The following SSC5D variants were observed in gnomAD, a reference collection of about 807,000 sequenced individuals.
SSC5D encodes scavenger receptor cysteine rich family member with 5 domains.
A neutral mutation model predicts 104.6 loss-of-function variants in SSC5D; 106 were observed. That is an observed-to-expected ratio of 1.01 (90% confidence interval 0.87 to 1.19). SSC5D has a LOEUF of 1.19. Ranked by LOEUF, SSC5D falls within the 50% of genes most tolerant of loss-of-function variation. The probability of loss-of-function intolerance (pLI) is 0.00; values close to 1 mark genes in which losing one functional copy is unlikely to be tolerated. For synonymous variants in SSC5D, 860 were observed against 883.5 expected, an observed-to-expected ratio of 0.97 and a Z score of 0.47; for missense variants, 1,993 against 2,153.8, an observed-to-expected ratio of 0.93 and a Z score of 1.48.
intron 13 of SSC5D, among the ~76,000 whole-genome samples, chr19:55,516,483 C>T (rs1376666424): frequency 4.0e-5 from 6 of 149,602 alleles, no homozygotes; most frequent in Admixed American, 6.7e-5. Context: ...GGCGACAGAG[C>T]GAGACTCCAT....
At position 55,490,392 on chromosome 19, in the gene SSC5D, A is replaced by G; in HGVS notation, c.570A>G (p.Thr190=). ...AKSTRAPLLT[T]GAPRQERLRL... is the part of the protein sequence containing the mutation. ...CCACCCGGGCCCCTCTGCTGACGAC[A>G]GGAGCCCCCCGCCAAGGTAAGCTCC... Residue 190 remains threonine, a synonymous_variant, in exon 5 of 14, where the codon ACA becomes ACG. Transcript: ENST00000389623. 6.9e-7 allele frequency: 1 copy of G among 1,446,600 alleles called. No homozygotes were observed. The highest frequency in any genetic ancestry group is 1.4e-5 in the African/African-American group (1 of 69,292). The allele number at this position is 1,446,600 out of a possible 1,614,324, so 89.6% of individuals were successfully genotyped here.
chr19:55,498,524 GA>G (rs1333274881), intron 9 of SSC5D, among the ~76,000 whole-genome samples: 5 of 152,216 alleles, frequency 3.3e-5, no homozygotes, highest in African/African-American at 1.2e-4. Context: ...TTCCCACTAA[GA>G]AAGGAGCTTT....
In SSC5D at chr19:55,503,371, G is replaced by A. The variant is rs1380225826; in HGVS notation, c.2785+2170G>A. On this transcript the variant is annotated intron_variant, in intron 12 of 13. Transcript: ENST00000389623. This position sits in a 1 kb window ranked among gnomAD's most constrained non-coding sequence, Gnocchi z 4.0. Reference sequence around the variant, plus strand: ...TCTCATCGTCTCCATTTCTCACTGCGTTCTCTCCCCAGGCCCAGCGCTGTG... The same window carrying A: ...TCTCATCGTCTCCATTTCTCACTGCATTCTCTCCCCAGGCCCAGCGCTGTG... Among the ~76,000 whole-genome samples, 1 of 152,030 alleles carries A rather than the reference G, an allele frequency of 6.6e-6. No homozygotes were observed. The highest frequency in any genetic ancestry group is 6.6e-5 in the Admixed American group (1 of 15,250).
rs189356192 is a variant in SSC5D, at chr19:55,500,745, C to T, written c.2558C>T (p.Ser853Leu). The T allele has an allele frequency of 4.0e-4, 617 of 1,551,564 alleles. 9 individuals are homozygous for T. In the East Asian group the frequency reaches 0.012, roughly 31 times the overall value. The change falls in exon 11 of 14, where the codon TCG becomes TTG. Residue 853 changes from serine (S) to leucine (L), a missense_variant. By Grantham distance (145) the Ser-to-Leu change is moderately radical. Coordinates refer to ENST00000389623, the MANE Select transcript of SSC5D (RefSeq NM_001144950.2). The surrounding 1 kb of genome is among the most constrained non-coding windows in gnomAD (Gnocchi z 4.6). ...GAGGCCTCACTGAGCGACTGCCCCT[C>T]GGGGGCTTGGGGGAAGCACAACTGT... ...GSEASLSDCP[S>L]GAWGKHNCDH...
At chr19:55,490,201 C>T in intron 4 of SSC5D, 97 bp from the exon 5 acceptor site, 1 of 626,188 alleles carries the variant, frequency 1.6e-6, no homozygotes, top group East Asian at 2.8e-5. Flanking sequence ...AGGGAGTCCT[C>T]CATCACTTCA....
intron 8 of SSC5D, 69 bp from the exon 9 acceptor site, chr19:55,497,811 A>G: frequency 7.7e-7 from 1 of 1,303,760 alleles, no homozygotes; most frequent in Non-Finnish European, 1.0e-6. Context: ...GGGGAGGGAA[A>G]GGTGGATGAA....
At chr19:55,504,190 A>T (rs983716781) in intron 12 of SSC5D, 8 of 1,533,576 alleles carry the variant, frequency 5.2e-6, no homozygotes, top group Non-Finnish European at 7.0e-6. Flanking sequence ...TCCCTAGCCC[A>T]TAGCGCCCCC....
chr19:55,495,433 A>G (rs552264327), intron 8 of SSC5D, among the ~76,000 whole-genome samples: 1 of 145,832 alleles, frequency 6.9e-6, no homozygotes, highest in East Asian at 2.0e-4. Flanking sequence ...GGGGTTTGCC[A>G]TGTTGCCTAG....
intron 12 of SSC5D, 42 bp from the exon 13 acceptor site, chr19:55,512,969 G>A (rs1172606429): frequency 1.3e-6 from 2 of 1,551,338 alleles, no homozygotes; most frequent in East Asian, 2.4e-5. Context: ...CAAACTCAAA[G>A]GGAAGTTGGA....
rs533887535 is a variant in SSC5D at position 55,518,751 on chromosome 19, A to G, written c.4475A>G (p.Glu1492Gly). Residue 1492 changes from glutamate (E) to glycine (G), a missense_variant, in exon 14 of 14, where the codon GAG becomes GGG. Glu to Gly is a moderately conservative substitution (Grantham distance 98). Transcript: ENST00000389623. The part of the protein sequence containing the change: ...VMACEPPALV[E>G]LVAAVRDVGG... ...GCTTGTGAGCCACCTGCCCTGGTGG[A>G]GCTGGTGGCTGCTGTGAGGGATGTG... 3.1e-5 allele frequency: 48 copies of G among 1,550,854 alleles called. No homozygotes were observed. In the African/African-American group the frequency reaches 5.6e-4, roughly 18 times the overall value.
intron 12 of SSC5D, among the ~76,000 whole-genome samples, chr19:55,504,534 T>C (rs1987595938): frequency 6.6e-6 from 1 of 152,238 alleles, no homozygotes; most frequent in Non-Finnish European, 1.5e-5. Context: ...GGAGTCTCGC[T>C]CTGTCACCCA....
chr19:55,489,308 C>T (rs1156449572), intron 2 of SSC5D, 46 bp from the exon 3 acceptor site: 1 of 1,419,400 alleles, frequency 7.0e-7, no homozygotes, highest in South Asian at 1.5e-5. Flanking sequence ...GCCTTGGGGC[C>T]CCCAGGATGC....
chr19:55,514,292 C>A (rs1599929766), intron 13 of SSC5D, among the ~76,000 whole-genome samples: 1 of 151,818 alleles, frequency 6.6e-6, no homozygotes, highest in South Asian at 2.1e-4. Context: ...ATGGTCCCAG[C>A]TACTCGGGAG....
chr19:55,502,976 C>G (rs1187885398), intron 12 of SSC5D, among the ~76,000 whole-genome samples: 1 of 152,012 alleles, frequency 6.6e-6, no homozygotes, highest in Non-Finnish European at 1.5e-5. Flanking sequence ...CCACCACTCC[C>G]GGCTAATTTT....
Position 55,494,661 on chromosome 19 carries a change from C to T in SSC5D, c.1265C>T (p.Ser422Phe), listed in dbSNP as rs1356175343. Residue 422 changes from serine (S) to phenylalanine (F), a missense_variant, in exon 8 of 14, where the codon TCC (serine) becomes TTC (phenylalanine). Around this residue, in one of 6 missense-constraint regions of SSC5D, gnomAD observed 1,101 missense variants for 1,085.0 expected, o/e 1.01. Transcript: ENST00000389623. Reference protein sequence around the residue: ...PPTAPTDSNNSTPREAASRPP... With the variant: ...PPTAPTDSNNFTPREAASRPP... ...ACGGCCCCCACGGACAGCAACAACT[C>T]CACGCCCAGGGAGGCTGCCTCCAGG... is the stretch of plus-strand genomic sequence containing the variant. 3.2e-6 allele frequency: 5 copies of T among 1,549,862 alleles called. No homozygotes were observed. Among genetic ancestry groups the T allele is most frequent in the Non-Finnish European group, 4.4e-6 (5 of 1,146,324 alleles).
At position 55,517,534 on chromosome 19, in the gene SSC5D, C is replaced by T; in HGVS notation, c.3258C>T (p.Pro1086=). 6.4e-7 allele frequency: 1 copy of T among 1,551,556 alleles called. No homozygotes were observed. Among genetic ancestry groups the T allele is most frequent in the Non-Finnish European group, 8.7e-7 (1 of 1,147,034 alleles). Residue 1086 remains proline, a synonymous_variant, in exon 14 of 14, where the codon CCC becomes CCT. Transcript: ENST00000389623. ...SSVVPALTPE[P]SPTPLPTLPK... The stretch of plus-strand genomic sequence containing the variant: ...TGGTTCCCGCGTTGACCCCGGAGCC[C>T]TCACCCACGCCCTTACCCACCTTGC...
chr19:55,493,987 C>CGGGT (rs1987237738), intron 7 of SSC5D, 75 bp downstream of exon 7: 1 of 206,308 alleles, frequency 4.8e-6, no homozygotes, highest in Admixed American at 1.1e-4. Context: ...TCGGCGGGGG[C>CGGGT]GGGGGGGTCC....
Position 55,511,375 on chromosome 19 carries a change from C to T in SSC5D, c.2786-1636C>T, listed in dbSNP as rs866961522. On this transcript the variant is annotated intron_variant, in intron 12 of 13. Transcript: ENST00000389623. Reference sequence around the variant, plus strand: ...ACTTGCCCAAGGTCTTGGACACTGCCCTTCTGCCTGGTTTTGCGTTTGGAA... The same window carrying T: ...ACTTGCCCAAGGTCTTGGACACTGCTCTTCTGCCTGGTTTTGCGTTTGGAA... Among the ~76,000 whole-genome samples, 7 of 152,032 alleles carry T rather than the reference C, an allele frequency of 4.6e-5. No homozygotes were observed. The South Asian group carries it at 1.5e-3, about 32-fold the overall frequency.
At position 55,498,004 on chromosome 19, in the gene SSC5D, C is replaced by G. The variant is rs763268111; in HGVS notation, c.1512C>G (p.Val504=). ...DSWDMRDSAV[V]CRELGCGGPQ... ...GGGACATGCGGGATTCAGCTGTGGT[C>G]TGCCGGGAGCTGGGCTGTGGTGGAC... Residue 504 remains valine, a synonymous_variant, in exon 9 of 14, where the codon GTC becomes GTG. Coordinates refer to ENST00000389623, the MANE Select transcript of SSC5D (RefSeq NM_001144950.2). The G allele has an allele frequency of 6.4e-7, 1 of 1,551,778 alleles. No individual in the cohort carries two copies. The highest frequency in any genetic ancestry group is 1.2e-5 in the South Asian group (1 of 84,054).
Sources: allele counts gnomAD v4.1 joint callset (sites outside exome capture counted in the v4.1 genomes callset), GRCh38; gene constraint gnomAD v4.1.1; regional missense constraint gnomAD v4.1.1; non-coding constraint Gnocchi (gnomAD v3.1); transcripts MANE v1.5; gene names NCBI Gene and HGNC (gene_info 2026-07-23, HGNC 2026-07-21).